Variants in STK24 observed in about 807,000 individuals in gnomAD.
STK24 encodes the protein serine/threonine kinase 24.
In STK24, 21 loss-of-function variants were observed where a neutral mutation model predicts 55.6. The observed-to-expected ratio is 0.38, with a 90% CI of 0.27 to 0.54. The LOEUF (loss-of-function observed/expected upper bound fraction) is 0.54. Ranked by LOEUF, STK24 falls within the 20% of genes least tolerant of loss-of-function variation. The probability of loss-of-function intolerance (pLI) is 0.79; values close to 1 mark genes in which losing one functional copy is unlikely to be tolerated. For synonymous variants in STK24, 200 were observed against 215.2 expected (o/e 0.93, Z 0.62); for missense variants, 383 against 538.4 (o/e 0.71, Z 2.86).
At chr13:98,480,821 T>G (rs1167610850) in intron 3 of STK24, among the ~76,000 whole-genome samples, 1 of 152,268 alleles carries the variant, frequency 6.6e-6, no homozygotes, top group Non-Finnish European at 1.5e-5. Context: ...ACTTCTGGGC[T>G]CAAGTGATCC....
intron 1 of STK24, among the ~76,000 whole-genome samples, chr13:98,567,932 TA>T (rs143572413): frequency 2.0e-3 from 126 of 62,724 alleles, no homozygotes; most frequent in Non-Finnish European, 2.9e-3. Flanking sequence ...GGTAGTGGTT[TA>T]AAAAAAAAAA....
chr13:98,469,122 C>T lies in STK24; in HGVS notation c.598-2561G>A, dbSNP rs1323910794. ...AAGCAGGCGGCCGAACGCCTGCTTGCGAACGCCTGCTTCTGCACGCAGTGT... is the reference window on the plus strand; with the variant it reads ...AAGCAGGCGGCCGAACGCCTGCTTGTGAACGCCTGCTTCTGCACGCAGTGT... On this transcript the variant is annotated intron_variant, in intron 5 of 10. Coordinates refer to ENST00000539966, the MANE Select transcript of STK24 (RefSeq NM_001032296.4). 5.3e-5 allele frequency among the ~76,000 whole-genome samples: 8 copies of T among 152,218 alleles called. No homozygotes were observed. In the South Asian group the frequency reaches 8.3e-4, roughly 16 times the overall value.
At chr13:98,558,465 G>GTAC (rs1280805374) in intron 1 of STK24, among the ~76,000 whole-genome samples, 2 of 152,126 alleles carry the variant, frequency 1.3e-5, no homozygotes, top group African/African-American at 4.8e-5. Flanking sequence ...GGAGAAGGGG[G>GTAC]TACTGCAGGG....
chr13:98,456,890 G>GA (rs1216803338), intron 10 of STK24: 5 of 528,908 alleles, frequency 9.5e-6, no homozygotes, highest in South Asian at 2.5e-5. Context: ...TAATTAAGAG[G>GA]AAACAGGTAT....
intron 1 of STK24, among the ~76,000 whole-genome samples, chr13:98,529,063 G>A (rs1418068211): frequency 6.6e-6 from 1 of 152,122 alleles, no homozygotes; most frequent in Non-Finnish European, 1.5e-5. Context: ...TTGGCCAACT[G>A]GGCACGCAGG....
At position 98,457,224 on chromosome 13, in the gene STK24, C is replaced by T; in HGVS notation, c.1203G>A (p.Glu401=). ...TGGTGTCGGAGATGCCAGGGCACGCCTCCTCCGCTAGGTAGATGGCCCCTC... is the reference window on the plus strand; with the variant it reads ...TGGTGTCGGAGATGCCAGGGCACGCTTCCTCCGCTAGGTAGATGGCCCCTC... ...ELRGAIYLAE[E]ACPGISDTMV... is the part of the protein sequence containing the mutation. Residue 401 remains glutamate (E), a synonymous_variant, in exon 10 of 11, where the codon GAG becomes GAA. Coordinates refer to ENST00000539966, the MANE Select transcript of STK24 (RefSeq NM_001032296.4). The T allele has an allele frequency of 6.2e-7, 1 of 1,613,252 alleles. No homozygotes were observed. Among genetic ancestry groups the T allele is most frequent in the South Asian group, 1.1e-5 (1 of 91,032 alleles).
chr13:98,534,307 T>A (rs1250031873), intron 1 of STK24, among the ~76,000 whole-genome samples: 1 of 152,200 alleles, frequency 6.6e-6, no homozygotes, highest in Non-Finnish European at 1.5e-5. Context: ...GAGAAAATGA[T>A]GACAGTGAAA....
At position 98,483,341 on chromosome 13, in the gene STK24, G is replaced by A. The variant is rs556832947; in HGVS notation, c.274-1020C>T. ...CACAGTGGGTTCACGGGGTTCAGAC[G>A]TCAGCCTGCTCCGCTGCTGACTCAG... On this transcript the variant is annotated intron_variant, in intron 2 of 10. Coordinates refer to ENST00000539966, the MANE Select transcript of STK24 (RefSeq NM_001032296.4). 2.6e-5 allele frequency among the ~76,000 whole-genome samples: 4 copies of A among 152,244 alleles called. 1 individual carries two copies. Among genetic ancestry groups the A allele is most frequent in the African/African-American group, 9.6e-5 (4 of 41,538 alleles).
chr13:98,576,276 GC>G, intron 1 of STK24: 1 of 953,556 alleles, frequency 1.0e-6, no homozygotes, highest in Non-Finnish European at 1.2e-6. Context: ...TCCCCGCCCT[GC>G]CCAGGTCTCC....
chr13:98,528,445 C>T (rs542874033), intron 1 of STK24, among the ~76,000 whole-genome samples: 314 of 152,264 alleles, frequency 2.1e-3, no homozygotes, highest in Non-Finnish European at 3.4e-3. Context: ...GGTTCCGGCT[C>T]CTTTGAGGAG....
intron 1 of STK24, among the ~76,000 whole-genome samples, chr13:98,524,990 A>G (rs72645185): frequency 0.022 from 3,359 of 152,362 alleles, 60 homozygotes; most frequent in East Asian, 0.093. Context: ...CCCTGGCAAG[A>G]AGGCAGCCAT....
chr13:98,556,146 C>G (rs1897284095), intron 1 of STK24, among the ~76,000 whole-genome samples: 1 of 152,182 alleles, frequency 6.6e-6, no homozygotes, highest in South Asian at 2.1e-4. Flanking sequence ...GGGGAATTGT[C>G]AGTCGCATGG....
At chr13:98,562,149 T>A (rs1897440170) in intron 1 of STK24, among the ~76,000 whole-genome samples, 1 of 152,210 alleles carries the variant, frequency 6.6e-6, no homozygotes, top group African/African-American at 2.4e-5. Flanking sequence ...ACATTATGAC[T>A]GCAATTACTT....
At chr13:98,566,142 C>T (rs956998307) in intron 1 of STK24, among the ~76,000 whole-genome samples, 6 of 151,766 alleles carry the variant, frequency 4.0e-5, no homozygotes, top group African/African-American at 1.2e-4. Context: ...GCCAGAAGCA[C>T]GCCAGGCTAT....
At chr13:98,475,141 G>T in intron 4 of STK24, 109 bp downstream of exon 4, 1 of 1,392,272 alleles carries the variant, frequency 7.2e-7, no homozygotes, top group Non-Finnish European at 9.7e-7. Context: ...CCCAGGCAAG[G>T]CAAACGTGCA....
At position 98,518,900 on chromosome 13, in the gene STK24, T is replaced by C. The variant is rs1222828683; in HGVS notation, c.273+343A>G. 9.2e-5 allele frequency among the ~76,000 whole-genome samples: 14 copies of C among 152,322 alleles called. No homozygotes were observed. In the East Asian group the frequency reaches 2.7e-3, roughly 29 times the overall value. ...TATCAAAAGATTAACATTCTTAAGT[T>C]GGTATGAGTTTTTAATACTAATCAT... is the stretch of plus-strand genomic sequence containing the variant. On this transcript the variant is annotated intron_variant, in intron 2 of 10. Coordinates refer to ENST00000539966, the MANE Select transcript of STK24 (RefSeq NM_001032296.4).
intron 1 of STK24, among the ~76,000 whole-genome samples, chr13:98,550,078 T>C (rs1456743330): frequency 6.6e-6 from 1 of 152,254 alleles, no homozygotes; most frequent in Non-Finnish European, 1.5e-5. Flanking sequence ...ACTTTATTTA[T>C]AGTGGCTAGG....
chr13:98,573,517 A>G (rs1897795317), intron 1 of STK24, among the ~76,000 whole-genome samples: 1 of 152,206 alleles, frequency 6.6e-6, no homozygotes, highest in South Asian at 2.1e-4. Context: ...AGAGAAAAAA[A>G]GCAAAGGCTT....
At chr13:98,461,709 C>A in intron 8 of STK24, 65 bp downstream of exon 8, 1 of 1,592,094 alleles carries the variant, frequency 6.3e-7, no homozygotes, top group Non-Finnish European at 8.6e-7. Context: ...AAGCTTCACA[C>A]ACAAGTGCCT....
Sources: allele counts gnomAD v4.1 joint callset (sites outside exome capture counted in the v4.1 genomes callset), GRCh38; gene constraint gnomAD v4.1.1; transcripts MANE v1.5; gene names NCBI Gene and HGNC (gene_info 2026-07-23, HGNC 2026-07-21).